Variants in RANBP17 observed in about 807,000 individuals in gnomAD.
RANBP17 encodes the protein ran-binding protein 17.
A neutral mutation model predicts 141.2 loss-of-function variants in RANBP17; 158 were observed. That is an observed-to-expected ratio of 1.12 (90% CI 0.98 to 1.28). The LOEUF (loss-of-function observed/expected upper bound fraction) is 1.28. RANBP17 is among the 50% of genes most tolerant of loss of function. The pLI is 0.00. For synonymous variants in RANBP17, 430 were observed against 450.0 expected, an observed-to-expected ratio of 0.96 and a Z score of 0.56; for missense variants, 1,438 against 1,290.7, an observed-to-expected ratio of 1.11 and a Z score of -1.75.
At chr5:170,901,617 G>T (rs921987462) in intron 5 of RANBP17, among the ~76,000 whole-genome samples, 1 of 152,134 alleles carries the variant, frequency 6.6e-6, no homozygotes, top group Admixed American at 6.6e-5. Flanking sequence ...TCATAGTGTC[G>T]ATGGTCTTTA....
intron 14 of RANBP17, among the ~76,000 whole-genome samples, chr5:171,146,279 G>C (rs1758024134): frequency 6.6e-6 from 1 of 152,186 alleles, no homozygotes; most frequent in African/African-American, 2.4e-5. Flanking sequence ...GGCTTTCTTT[G>C]TAGAAAGGGC....
intron 20 of RANBP17, among the ~76,000 whole-genome samples, chr5:171,210,674 G>T (rs1023406283): frequency 9.2e-5 from 14 of 151,934 alleles, no homozygotes; most frequent in Non-Finnish European, 1.5e-4. Flanking sequence ...TTATATGTTG[G>T]TCACCCTAAT....
At chr5:171,170,248 T>G in intron 15 of RANBP17, 45 bp downstream of exon 15, 2 of 1,004,264 alleles carry the variant, frequency 2.0e-6, no homozygotes, top group Non-Finnish European at 3.0e-6. Context: ...GTTGTTGTTT[T>G]AAATGTAATA....
At chr5:171,150,994 G>C (rs1758430397) in intron 14 of RANBP17, among the ~76,000 whole-genome samples, 2 of 152,168 alleles carry the variant, frequency 1.3e-5, no homozygotes, top group Admixed American at 6.5e-5. Flanking sequence ...AACTAGTTGA[G>C]GTCTCTGTAA....
intron 25 of RANBP17, among the ~76,000 whole-genome samples, chr5:171,282,570 C>T (rs914066734): frequency 6.6e-6 from 1 of 152,056 alleles, no homozygotes; most frequent in East Asian, 1.9e-4. Flanking sequence ...CCTCTGCCTC[C>T]CTGGTTCAAG....
In RANBP17 at chr5:170,909,715, G is replaced by C. The variant is rs371654976; in HGVS notation, c.544G>C (p.Asp182His). The C allele has an allele frequency of 8.8e-6, 14 of 1,597,112 alleles. No individual in the cohort carries two copies. Among genetic ancestry groups the C allele is most frequent in the African/African-American group, 2.7e-5 (2 of 73,836 alleles). ...CAGGAAAATAGCTACCTCATTTCGT[G>C]ATACTTCTCTCAAAGACGTTTTAGT... The part of the protein sequence containing the change: ...KHRKIATSFR[D>H]TSLKDVLVLA... Residue 182 changes from aspartate to histidine, a missense_variant, in exon 6 of 28, where the codon GAT becomes CAT. Asp to His is a moderately conservative substitution (Grantham distance 81). Coordinates refer to ENST00000523189, the MANE Select transcript of RANBP17 (RefSeq NM_022897.5).
At chr5:171,155,313 G>A (rs1758822883) in intron 14 of RANBP17, among the ~76,000 whole-genome samples, 4 of 151,774 alleles carry the variant, frequency 2.6e-5, no homozygotes, top group Admixed American at 2.0e-4. Context: ...AGATGTAGGA[G>A]GTAGAGAAAG....
At chr5:171,267,466 G>A (rs1766795141) in intron 25 of RANBP17, among the ~76,000 whole-genome samples, 1 of 152,012 alleles carries the variant, frequency 6.6e-6, no homozygotes, top group Admixed American at 6.6e-5. Flanking sequence ...CACATCAATA[G>A]TGTGTTGCTA....
At chr5:171,256,119 T>C (rs1447203430) in intron 24 of RANBP17, among the ~76,000 whole-genome samples, 1 of 152,228 alleles carries the variant, frequency 6.6e-6, no homozygotes, top group Admixed American at 6.5e-5. Flanking sequence ...CTACTCTTGA[T>C]ACTTTCTTTA....
intron 14 of RANBP17, among the ~76,000 whole-genome samples, chr5:171,001,307 A>G (rs1344680256): frequency 6.6e-6 from 1 of 152,168 alleles, no homozygotes; most frequent in African/African-American, 2.4e-5. Flanking sequence ...GTATGAATTG[A>G]GAAACTAAAT....
At chr5:171,040,445 G>A (rs916768356) in intron 14 of RANBP17, among the ~76,000 whole-genome samples, 1 of 152,106 alleles carries the variant, frequency 6.6e-6, no homozygotes, top group African/African-American at 2.4e-5. Context: ...CTAGCACTCA[G>A]TAAAAACATA....
At chr5:170,919,406 A>G (rs778811595) in intron 10 of RANBP17, 35 bp from the exon 11 acceptor site, 3 of 1,374,976 alleles carry the variant, frequency 2.2e-6, no homozygotes, top group South Asian at 1.5e-5. Context: ...GGAAGATGTA[A>G]TATTTTAAAT....
At chr5:171,051,933 A>G (rs1782978554) in intron 14 of RANBP17, among the ~76,000 whole-genome samples, 1 of 151,924 alleles carries the variant, frequency 6.6e-6, no homozygotes, top group South Asian at 2.1e-4. Context: ...GTTTTATGTT[A>G]TTGTAGCCAT....
chr5:170,990,919 G>T (rs918928605), intron 14 of RANBP17, among the ~76,000 whole-genome samples: 9 of 151,848 alleles, frequency 5.9e-5, no homozygotes, highest in East Asian at 1.9e-4. Context: ...CATTGTCGGG[G>T]TGCATCAAAT....
At chr5:171,031,730 C>T (rs566493086) in intron 14 of RANBP17, among the ~76,000 whole-genome samples, 4 of 152,090 alleles carry the variant, frequency 2.6e-5, no homozygotes, top group South Asian at 2.1e-4. Flanking sequence ...TTCATACCTC[C>T]TGAGTAGTAG....
intron 14 of RANBP17, among the ~76,000 whole-genome samples, chr5:171,097,608 T>TTCA (rs1786783862): frequency 1.4e-5 from 2 of 141,392 alleles, no homozygotes; most frequent in African/African-American, 2.6e-5. Flanking sequence ...ATGTAGTCTT[T>TTCA]TTATTATTAT....
intron 14 of RANBP17, among the ~76,000 whole-genome samples, chr5:171,013,636 C>G (rs1780221704): frequency 6.6e-6 from 1 of 151,878 alleles, no homozygotes; most frequent in Non-Finnish European, 1.5e-5. Flanking sequence ...TAAGCCTATC[C>G]TATCCCAATA....
At chr5:171,286,283 G>A (rs1768165881) in intron 25 of RANBP17, among the ~76,000 whole-genome samples, 2 of 152,156 alleles carry the variant, frequency 1.3e-5, no homozygotes, top group Non-Finnish European at 1.5e-5. Context: ...TTTTTTAACA[G>A]CAAGACTAGC....
At chr5:171,142,403 T>TTA (rs1757763959) in intron 14 of RANBP17, among the ~76,000 whole-genome samples, 1 of 152,202 alleles carries the variant, frequency 6.6e-6, no homozygotes, top group East Asian at 1.9e-4. Flanking sequence ...AATGCTCTTG[T>TTA]TAGACAGTGA....
Sources: allele counts gnomAD v4.1 joint callset (sites outside exome capture counted in the v4.1 genomes callset), GRCh38; gene constraint gnomAD v4.1.1; transcripts MANE v1.5; gene names NCBI Gene and HGNC (gene_info 2026-07-23, HGNC 2026-07-21).